Variants in XRCC5 observed in about 807,000 individuals in gnomAD.
XRCC5 encodes the protein X-ray repair cross complementing 5, also known as DNA repair protein Ku80.
Under a neutral mutation model 95.7 loss-of-function variants are expected in XRCC5, and 12 were observed. The observed-to-expected ratio is 0.13, with a 90% confidence interval of 0.08 to 0.20. The LOEUF is 0.20. Ranked by LOEUF, XRCC5 falls within the 10% of genes least tolerant of loss-of-function variation. XRCC5 has a pLI of 1.00. For synonymous variants in XRCC5, 281 were observed against 290.3 expected (o/e 0.97, Z 0.33); for missense variants, 595 against 873.9 (o/e 0.68, Z 4.02).
intron 14 of XRCC5, among the ~76,000 whole-genome samples, chr2:216,154,212 G>A (rs542993162): frequency 1.4e-4 from 22 of 152,308 alleles, no homozygotes; most frequent in Middle Eastern, 3.4e-3. Flanking sequence ...AATAACAAAT[G>A]CCTGCCTTCC....
intron 14 of XRCC5, among the ~76,000 whole-genome samples, chr2:216,158,159 A>T (rs1688882476): frequency 6.6e-6 from 1 of 152,208 alleles, no homozygotes; most frequent in Admixed American, 6.5e-5. Context: ...ATTCCCCCAC[A>T]ACTTAGCTTT....
At chr2:216,127,767 G>T in intron 8 of XRCC5, 93 bp downstream of exon 8, 1 of 1,351,716 alleles carries the variant, frequency 7.4e-7, no homozygotes, top group Middle Eastern at 2.0e-4. Context: ...TTTGTTTAAA[G>T]TTATTTCTTT....
At chr2:216,152,821 TA>T (rs1299994956) in intron 14 of XRCC5, among the ~76,000 whole-genome samples, 1 of 151,914 alleles carries the variant, frequency 6.6e-6, no homozygotes, top group Non-Finnish European at 1.5e-5. Context: ...CTAAGTTTTT[TA>T]TATTTTGTCG....
intron 16 of XRCC5, among the ~76,000 whole-genome samples, chr2:216,177,768 TG>T (rs1559257871): frequency 6.6e-6 from 1 of 152,252 alleles, no homozygotes; most frequent in Admixed American, 6.5e-5. Context: ...GTATTTATTT[TG>T]TTTGAATCCT....
At chr2:216,126,519 A>G (rs1038808986) in intron 7 of XRCC5, among the ~76,000 whole-genome samples, 4 of 152,244 alleles carry the variant, frequency 2.6e-5, no homozygotes, top group Non-Finnish European at 2.9e-5. Flanking sequence ...GTACATTTAT[A>G]TACAATAGCA....
intron 13 of XRCC5, among the ~76,000 whole-genome samples, chr2:216,143,045 CT>C (rs1441457127): frequency 1.9e-4 from 29 of 152,312 alleles, no homozygotes; most frequent in Non-Finnish European, 1.5e-5. Context: ...GCTCAAAACA[CT>C]TCACATTAGC....
intron 13 of XRCC5, among the ~76,000 whole-genome samples, chr2:216,141,869 A>G (rs1260229268): frequency 6.6e-6 from 1 of 152,106 alleles, no homozygotes; most frequent in African/African-American, 2.4e-5. Flanking sequence ...CCTGGCTAAC[A>G]TGGTGAAACC....
chr2:216,192,010 A>C (rs41302530), intron 17 of XRCC5, among the ~76,000 whole-genome samples: 2 of 152,088 alleles, frequency 1.3e-5, no homozygotes, highest in South Asian at 2.1e-4. Flanking sequence ...TTTATTTTTT[A>C]TCTTTGAGAA....
chr2:216,170,828 A>AT (rs1227306473), intron 16 of XRCC5, among the ~76,000 whole-genome samples: 1 of 152,238 alleles, frequency 6.6e-6, no homozygotes, highest in East Asian at 1.9e-4. Flanking sequence ...GACAGAGAGC[A>AT]GTTCAAGGAT....
chr2:216,161,543 C>T (rs987422747), intron 15 of XRCC5, among the ~76,000 whole-genome samples: 1 of 152,178 alleles, frequency 6.6e-6, no homozygotes, highest in South Asian at 2.1e-4. Flanking sequence ...ATGGGCACTT[C>T]GGTGAATCAG....
At chr2:216,134,830 T>C (rs766905877) in intron 10 of XRCC5, among the ~76,000 whole-genome samples, 9 of 152,228 alleles carry the variant, frequency 5.9e-5, no homozygotes, top group African/African-American at 1.9e-4. Flanking sequence ...CAGATTCTCA[T>C]TGTGCTTATC....
chr2:216,123,273 T>C (rs1415666538), intron 6 of XRCC5, among the ~76,000 whole-genome samples: 4 of 152,190 alleles, frequency 2.6e-5, no homozygotes, highest in Non-Finnish European at 5.9e-5. Flanking sequence ...TGAGCTATAA[T>C]TGACAAAAAT....
At chr2:216,163,252 G>A (rs1160020163) in intron 16 of XRCC5, among the ~76,000 whole-genome samples, 2 of 151,396 alleles carry the variant, frequency 1.3e-5, no homozygotes, top group African/African-American at 2.4e-5. Flanking sequence ...CTCCCACTTC[G>A]GCCTCCCAAA....
At chr2:216,178,737 C>T (rs1396032905) in intron 16 of XRCC5, among the ~76,000 whole-genome samples, 1 of 152,078 alleles carries the variant, frequency 6.6e-6, no homozygotes, top group Non-Finnish European at 1.5e-5. Flanking sequence ...TAACCATTTC[C>T]ATCTCTGTAA....
chr2:216,122,741 G>A (rs545905820), intron 6 of XRCC5, among the ~76,000 whole-genome samples: 1 of 148,364 alleles, frequency 6.7e-6, no homozygotes, highest in African/African-American at 2.5e-5. Context: ...TCACAAAGCA[G>A]TTTGATTGAG....
At position 216,190,212 on chromosome 2, in the gene XRCC5, T is replaced by C. The variant is rs374110100; in HGVS notation, c.1835-13T>C. ...CACTCAAATCTAAGAAAATTTGTTG[T>C]CTTATGTTTTAGCGAGTAACCAGCT... On this transcript the variant is annotated splice_polypyrimidine_tract_variant and intron_variant, in intron 16 of 20. Coordinates refer to ENST00000392132, the MANE Select transcript of XRCC5 (RefSeq NM_021141.4). 12 of 1,611,322 alleles carry C rather than the reference T, an allele frequency of 7.4e-6. No homozygotes were observed. The highest frequency in any genetic ancestry group is 1.0e-5 in the Non-Finnish European group (12 of 1,178,320).
chr2:216,197,448 GAAAA>G (rs369842827), intron 19 of XRCC5, among the ~76,000 whole-genome samples: 2 of 110,330 alleles, frequency 1.8e-5, no homozygotes, highest in African/African-American at 3.3e-5. Context: ...TCTGTCCCAG[GAAAA>G]AAAAAAAAAA....
intron 1 of XRCC5, among the ~76,000 whole-genome samples, chr2:216,112,403 C>CAT (rs1172598170): frequency 4.6e-5 from 7 of 152,212 alleles, no homozygotes; most frequent in Non-Finnish European, 8.8e-5. Flanking sequence ...GTGCCCAGTG[C>CAT]ATACTTCTAT....
chr2:216,123,038 G>T (rs1696838611), intron 6 of XRCC5, among the ~76,000 whole-genome samples: 2 of 152,182 alleles, frequency 1.3e-5, no homozygotes, highest in Non-Finnish European at 2.9e-5. Flanking sequence ...TTTGGTAAAA[G>T]TGGCAATAGA....
Sources: allele counts gnomAD v4.1 joint callset (sites outside exome capture counted in the v4.1 genomes callset), GRCh38; gene constraint gnomAD v4.1.1; transcripts MANE v1.5; gene names NCBI Gene and HGNC (gene_info 2026-07-23, HGNC 2026-07-21).